Variants in HYCC1 observed in about 807,000 individuals in gnomAD.
HYCC1 encodes the protein hyccin PI4KA lipid kinase complex subunit 1, also known as hyccin.
At chr7:22,977,492 T>C in the HYCC1 span, 3 of 916,106 alleles carry the variant, frequency 3.3e-6, no homozygotes, top group Non-Finnish European at 3.4e-6. Flanking sequence ...TAAATTTAAA[T>C]AGTCTAAAAC....
At chr7:22,905,616 T>C in the HYCC1 span, among the ~76,000 whole-genome samples, 3 of 152,042 alleles carry the variant, frequency 2.0e-5, no homozygotes, top group African/African-American at 7.2e-5. Flanking sequence ...GAAAATTTGC[T>C]AAGAAGGAAA....
chr7:22,973,457 C>T, the HYCC1 span, among the ~76,000 whole-genome samples: 1 of 152,110 alleles, frequency 6.6e-6, no homozygotes, highest in African/African-American at 2.4e-5. Context: ...AACTTAAAGA[C>T]ATAAACAACT....
the HYCC1 span, among the ~76,000 whole-genome samples, chr7:22,913,639 C>A: frequency 6.6e-6 from 1 of 152,196 alleles, no homozygotes; most frequent in Non-Finnish European, 1.5e-5. Context: ...CCTGCCCCTG[C>A]CCACAAGAAA....
At chr7:22,917,102 T>C in the HYCC1 span, among the ~76,000 whole-genome samples, 4 of 152,318 alleles carry the variant, frequency 2.6e-5, no homozygotes, top group Admixed American at 2.0e-4. Flanking sequence ...CTTATGCTGC[T>C]AAGGTAGCTA....
the HYCC1 span, among the ~76,000 whole-genome samples, chr7:22,997,332 G>A: frequency 5.9e-5 from 9 of 151,828 alleles, no homozygotes; most frequent in Admixed American, 4.6e-4. Flanking sequence ...AAGCACTAAC[G>A]ACAAACTACT....
chr7:22,929,487 A>G, the HYCC1 span, among the ~76,000 whole-genome samples: 1 of 152,192 alleles, frequency 6.6e-6, no homozygotes, highest in Non-Finnish European at 1.5e-5. Flanking sequence ...AACTCAAACA[A>G]ATTTACAAGA....
At chr7:22,996,319 T>C in the HYCC1 span, among the ~76,000 whole-genome samples, 1 of 147,410 alleles carries the variant, frequency 6.8e-6, no homozygotes, top group South Asian at 2.1e-4. Context: ...GAAGCAAAAA[T>C]ATACAAACAT....
chr7:22,945,291 T>C, the HYCC1 span: 46 of 442,258 alleles, frequency 1.0e-4, 1 homozygote, highest in South Asian at 9.9e-4. Flanking sequence ...CCAACTTGAT[T>C]AGACAACCTG....
the HYCC1 span, among the ~76,000 whole-genome samples, chr7:23,001,469 C>T: frequency 6.6e-6 from 1 of 152,140 alleles, no homozygotes; most frequent in Admixed American, 6.6e-5. Context: ...CTCTGGTTTA[C>T]TCTTTTCTTC....
At chr7:22,955,790 T>G in the HYCC1 span, among the ~76,000 whole-genome samples, 1 of 151,580 alleles carries the variant, frequency 6.6e-6, no homozygotes, top group Non-Finnish European at 1.5e-5. Flanking sequence ...TAGAGAACTT[T>G]TCAGGGACTT....
the HYCC1 span, among the ~76,000 whole-genome samples, chr7:22,898,695 C>T: frequency 6.6e-6 from 1 of 151,022 alleles, no homozygotes; most frequent in Non-Finnish European, 1.5e-5. Context: ...CTCCACCTCC[C>T]GGGTTCAGGT....
the HYCC1 span, among the ~76,000 whole-genome samples, chr7:22,904,167 C>T: frequency 1.3e-5 from 2 of 152,044 alleles, no homozygotes; most frequent in Non-Finnish European, 2.9e-5. Context: ...CATGGTGGCT[C>T]ATGCCTGTAA....
the HYCC1 span, chr7:22,945,238 C>CCAAAA: frequency 1.9e-5 from 6 of 311,848 alleles, no homozygotes; most frequent in East Asian, 4.9e-4. Flanking sequence ...CCAAACCAAA[C>CCAAAA]CAAAACAAGA....
the HYCC1 span, among the ~76,000 whole-genome samples, chr7:22,972,746 CA>C: frequency 6.6e-6 from 1 of 152,148 alleles, no homozygotes; most frequent in African/African-American, 2.4e-5. Flanking sequence ...ATCTCTTCTT[CA>C]AGTTGTTCAC....
the HYCC1 span, among the ~76,000 whole-genome samples, chr7:22,914,079 C>G: frequency 6.6e-6 from 1 of 152,220 alleles, no homozygotes; most frequent in Non-Finnish European, 1.5e-5. Flanking sequence ...AAAGGAGGCA[C>G]ATTTTATCTG....
chr7:22,926,578 A>G, the HYCC1 span, among the ~76,000 whole-genome samples: 64 of 152,240 alleles, frequency 4.2e-4, no homozygotes, highest in East Asian at 1.4e-3. Context: ...GATCAAAAGA[A>G]ACAAAGAAGG....
chr7:22,982,751 C>T, the HYCC1 span, among the ~76,000 whole-genome samples: 1 of 152,158 alleles, frequency 6.6e-6, no homozygotes, highest in Non-Finnish European at 1.5e-5. Flanking sequence ...CTATCCTCCA[C>T]ATAGCCACCT....
At chr7:23,000,944 C>G in the HYCC1 span, among the ~76,000 whole-genome samples, 2 of 151,310 alleles carry the variant, frequency 1.3e-5, no homozygotes, top group African/African-American at 4.8e-5. Context: ...TATCAAAGGA[C>G]TTTTCAGAGC....
chr7:23,004,103 T>G, the HYCC1 span, among the ~76,000 whole-genome samples: 1 of 152,218 alleles, frequency 6.6e-6, no homozygotes, highest in African/African-American at 2.4e-5. Context: ...AGATAAAGTT[T>G]TCAATAATAC....
Sources: allele counts gnomAD v4.1 joint callset (sites outside exome capture counted in the v4.1 genomes callset), GRCh38; gene constraint gnomAD v4.1.1; transcripts MANE v1.5; gene names NCBI Gene and HGNC (gene_info 2026-07-23, HGNC 2026-07-21).